The following PCSK6 variants were observed in gnomAD, a reference collection of about 807,000 sequenced individuals.
The protein encoded by PCSK6 is paired basic amino acid cleaving enzyme 4.
PCSK6 carries 85 observed loss-of-function variants against 123.3 expected under a neutral mutation model. The ratio of observed to expected loss-of-function variants is 0.69; its 90% CI spans 0.58 to 0.83. The LOEUF is 0.83. Ranked by LOEUF, PCSK6 falls within the 40% of genes least tolerant of loss-of-function variation. The pLI is 0.00. For synonymous variants in PCSK6, 508 were observed against 516.0 expected, an observed-to-expected ratio of 0.98 and a Z score of 0.21; for missense variants, 1,191 against 1,282.3, an observed-to-expected ratio of 0.93 and a Z score of 1.09.
intron 19 of PCSK6, among the ~76,000 whole-genome samples, chr15:101,314,412 GGGA>G (rs1184454480): frequency 1.3e-5 from 2 of 152,238 alleles, no homozygotes; most frequent in East Asian, 1.9e-4. Context: ...GTTACAGGCA[GGGA>G]GGAGATTATC....
chr15:101,408,762 C>T (rs964671832), intron 6 of PCSK6, among the ~76,000 whole-genome samples: 4 of 152,230 alleles, frequency 2.6e-5, no homozygotes, highest in Admixed American at 6.5e-5. Flanking sequence ...TCTTAAAATG[C>T]TCACAGGCCT....
chr15:101,389,049 C>T (rs12438060), intron 9 of PCSK6, among the ~76,000 whole-genome samples: 97,056 of 151,982 alleles, frequency 0.64, 31,737 homozygotes, highest in Admixed American at 0.73. Flanking sequence ...TAGGGTGGGC[C>T]CTAATCCAAT....
At chr15:101,358,765 T>G (rs1567163059) in intron 13 of PCSK6, among the ~76,000 whole-genome samples, 2 of 152,212 alleles carry the variant, frequency 1.3e-5, no homozygotes, top group African/African-American at 4.8e-5. Flanking sequence ...GCTTGGCCTT[T>G]GTTTGAGCCC....
At chr15:101,393,119 T>C in intron 8 of PCSK6, 93 bp downstream of exon 8, 1 of 1,068,104 alleles carries the variant, frequency 9.4e-7, no homozygotes, top group Admixed American at 2.0e-5. Context: ...CTGGCCTCAA[T>C]CTAAGCCATC....
At position 101,455,769 on chromosome 15, in the gene PCSK6, C is replaced by T. The variant is rs138625095; in HGVS notation, c.298-12109G>A. ...ATTCTGCTTCTGTGACTCAACCCCACGCTGGTAATTAAAAATGAAGAAGCT... is the reference window on the plus strand; with the variant it reads ...ATTCTGCTTCTGTGACTCAACCCCATGCTGGTAATTAAAAATGAAGAAGCT... On this transcript the variant is annotated intron_variant, in intron 1 of 21. Coordinates refer to ENST00000611716, the MANE Select transcript of PCSK6 (RefSeq NM_002570.5). 6.8e-3 allele frequency among the ~76,000 whole-genome samples: 1,039 copies of T among 152,324 alleles called. 15 individuals are homozygous for T. Among genetic ancestry groups the T allele is most frequent in the African/African-American group, 0.023 (966 of 41,564 alleles).
intron 1 of PCSK6, among the ~76,000 whole-genome samples, chr15:101,461,664 T>C (rs1411150059): frequency 6.6e-6 from 1 of 152,204 alleles, no homozygotes; most frequent in Non-Finnish European, 1.5e-5. Context: ...GGTGAGTTTA[T>C]TCCAAAAATG....
Position 101,410,572 on chromosome 15 carries a change from C to T in PCSK6, c.824-11996G>A, listed in dbSNP as rs115413309. Among the ~76,000 whole-genome samples, 609 of 152,208 alleles carry T rather than the reference C, an allele frequency of 4.0e-3. 2 individuals carry two copies. Among genetic ancestry groups the T allele is most frequent in the African/African-American group, 0.014 (577 of 41,530 alleles). On this transcript the variant is annotated intron_variant, in intron 6 of 21. Transcript: ENST00000611716. ...ACCTTTTTAGGCCAGGAGGAAGAGG[C>T]GAGGCCAAAATATGCTTGGAAGGAA...
chr15:101,432,600 A>AGTC (rs1418157532), intron 2 of PCSK6, among the ~76,000 whole-genome samples: 2 of 151,746 alleles, frequency 1.3e-5, no homozygotes, highest in African/African-American at 4.8e-5. Context: ...ACTGCACTCC[A>AGTC]GTCTGGGCAA....
At position 101,398,176 on chromosome 15, in the gene PCSK6, A is replaced by C. The variant is rs1237740344; in HGVS notation, c.996+228T>G. ...TGCTAGCAGTGGCCACCTGGCTGTC[A>C]CTGGAACAGCTGTTCTGGAACGAGG... On this transcript the variant is annotated intron_variant, in intron 7 of 21. Transcript: ENST00000611716. The surrounding 1 kb of genome is among the most constrained non-coding windows in gnomAD (Gnocchi z 4.6). Among the ~76,000 whole-genome samples the C allele has an allele frequency of 6.6e-6, 1 of 152,154 alleles. No homozygotes were observed. The highest frequency in any genetic ancestry group is 1.5e-5 in the Non-Finnish European group (1 of 68,006).
chr15:101,360,931 A>C (rs2041202407), intron 13 of PCSK6, among the ~76,000 whole-genome samples: 1 of 152,202 alleles, frequency 6.6e-6, no homozygotes, highest in African/African-American at 2.4e-5. Flanking sequence ...CCTGCCTGGT[A>C]ATCTTGTTTC....
chr15:101,389,663 G>A (rs977715494), intron 8 of PCSK6, 99 bp from the exon 9 acceptor site: 11 of 879,302 alleles, frequency 1.3e-5, no homozygotes, highest in Admixed American at 2.3e-5. Context: ...ACTGGCAAGC[G>A]TGACCCTGGG....
chr15:101,488,336 A>G (rs1162245437), intron 1 of PCSK6, among the ~76,000 whole-genome samples: 1 of 152,224 alleles, frequency 6.6e-6, no homozygotes, highest in Non-Finnish European at 1.5e-5. Context: ...TCCAGGAGCC[A>G]TAAACATGGA....
At chr15:101,433,040 T>G (rs1180441985) in intron 2 of PCSK6, among the ~76,000 whole-genome samples, 2 of 152,254 alleles carry the variant, frequency 1.3e-5, no homozygotes, top group Non-Finnish European at 2.9e-5. Context: ...TCAGCATGAT[T>G]TGTTTTCACG....
intron 13 of PCSK6, among the ~76,000 whole-genome samples, chr15:101,352,989 T>C (rs1019287701): frequency 1.3e-5 from 2 of 152,238 alleles, no homozygotes; most frequent in African/African-American, 4.8e-5. Context: ...ATCAGTTTAT[T>C]GGAAGACAAT....
chr15:101,350,782 C>G (rs2040869424), intron 13 of PCSK6, among the ~76,000 whole-genome samples: 1 of 152,176 alleles, frequency 6.6e-6, no homozygotes, highest in Admixed American at 6.5e-5. Flanking sequence ...AATACGCTCC[C>G]CTTAAAGTGT....
chr15:101,408,272 A>G (rs1053379389), intron 6 of PCSK6, among the ~76,000 whole-genome samples: 4 of 152,248 alleles, frequency 2.6e-5, no homozygotes, highest in African/African-American at 4.8e-5. Flanking sequence ...CGCCATGAAC[A>G]AAGGCCACCC....
At position 101,458,350 on chromosome 15, in the gene PCSK6, G is replaced by A. The variant is rs1345104115; in HGVS notation, c.298-14690C>T. On this transcript the variant is annotated intron_variant, in intron 1 of 21. Transcript: ENST00000611716. ...AGCGCACATGTTGAAAGGGGTTTCC[G>A]CAAGGCTTTGAGCTGAGGCATAAAC... 9.2e-5 allele frequency among the ~76,000 whole-genome samples: 14 copies of A among 152,196 alleles called. No individual in the cohort carries two copies. In the South Asian group the frequency reaches 2.1e-3, roughly 23 times the overall value.
Position 101,486,117 on chromosome 15 carries a change from C to T in PCSK6, c.297+3257G>A, listed in dbSNP as rs2058016371. ...TAGCTGGGATTACCGGCATGTGTCA[C>T]CAAGCCCAGCTAATTTTTGTATTTT... On this transcript the variant is annotated intron_variant, in intron 1 of 21. Coordinates refer to ENST00000611716, the MANE Select transcript of PCSK6 (RefSeq NM_002570.5). 2.6e-5 allele frequency among the ~76,000 whole-genome samples: 4 copies of T among 152,008 alleles called. No homozygotes were observed. The South Asian group carries it at 8.3e-4, about 32-fold the overall frequency.
At chr15:101,338,937 T>C (rs1252420986) in intron 13 of PCSK6, among the ~76,000 whole-genome samples, 1 of 152,256 alleles carries the variant, frequency 6.6e-6, no homozygotes, top group Non-Finnish European at 1.5e-5. Flanking sequence ...TCATTCACTA[T>C]CTTCAATGCA....
Sources: gnomAD v4.1 joint callset for allele counts (sites outside exome capture counted in the v4.1 genomes callset) on GRCh38, gnomAD v4.1.1 for gene constraint, Gnocchi (gnomAD v3.1) non-coding constraint, MANE v1.5 for transcripts, NCBI Gene and HGNC (gene_info 2026-07-23, HGNC 2026-07-21) for gene names.